MBOAT2: variants seen among roughly 807,000 people sequenced by gnomAD.
MBOAT2 encodes the protein membrane-bound glycerophospholipid O-acyltransferase 2.
A neutral mutation model predicts 63.4 loss-of-function variants in MBOAT2; 28 were observed. The observed-to-expected ratio is 0.44, with a 90% confidence interval of 0.33 to 0.61. MBOAT2 has a LOEUF of 0.61. Ranked by LOEUF, MBOAT2 falls within the 20% of genes least tolerant of loss-of-function variation. MBOAT2 has a pLI of 0.03. For synonymous variants in MBOAT2, 211 were observed against 215.6 expected (o/e 0.98, Z 0.19); for missense variants, 470 against 605.8 (o/e 0.78, Z 2.35).
chr2:8,901,859 T>G (rs1664956063), intron 4 of MBOAT2, among the ~76,000 whole-genome samples: 1 of 152,198 alleles, frequency 6.6e-6, no homozygotes, highest in African/African-American at 2.4e-5. Flanking sequence ...GGAGTGGTTT[T>G]TAGAAGCAGG....
At position 8,939,773 on chromosome 2, in the gene MBOAT2, C is replaced by T. The variant is rs143558466; in HGVS notation, c.299+3414G>A. 5.0e-3 allele frequency among the ~76,000 whole-genome samples: 763 copies of T among 152,250 alleles called. 6 individuals carry two copies. The highest frequency in any genetic ancestry group is 0.017 in the African/African-American group (708 of 41,550). The stretch of plus-strand genomic sequence containing the variant: ...ACACACACAGAATAAACTCTGCAAA[C>T]GGTTCTAAAACATCACATGATGTCA... On this transcript the variant is annotated intron_variant, in intron 3 of 12. Transcript: ENST00000305997.
intron 6 of MBOAT2, among the ~76,000 whole-genome samples, chr2:8,878,911 C>T (rs913862391): frequency 4.6e-5 from 7 of 151,704 alleles, no homozygotes; most frequent in Admixed American, 4.6e-4. Flanking sequence ...CCCGTCTCTA[C>T]TAAAAATACA....
At chr2:8,997,729 C>T (rs552602921) in intron 1 of MBOAT2, among the ~76,000 whole-genome samples, 4 of 152,282 alleles carry the variant, frequency 2.6e-5, no homozygotes, top group Non-Finnish European at 4.4e-5. Context: ...TTATTATTAT[C>T]CTTATTTTAC....
At chr2:8,976,622 G>T (rs1252079483) in intron 1 of MBOAT2, among the ~76,000 whole-genome samples, 2 of 152,128 alleles carry the variant, frequency 1.3e-5, no homozygotes, top group African/African-American at 4.8e-5. Flanking sequence ...GCCCATCCCT[G>T]AACAGGAAGA....
intron 3 of MBOAT2, among the ~76,000 whole-genome samples, chr2:8,939,400 T>C (rs1158092718): frequency 1.3e-5 from 2 of 152,202 alleles, no homozygotes; most frequent in Non-Finnish European, 2.9e-5. Flanking sequence ...CTGGGATTGC[T>C]GGAGCCAAAG....
At chr2:8,860,162 G>C (rs1470712995) in intron 12 of MBOAT2, among the ~76,000 whole-genome samples, 1 of 152,120 alleles carries the variant, frequency 6.6e-6, no homozygotes, top group Non-Finnish European at 1.5e-5. Context: ...CTGCACTCCA[G>C]CCTGGGCGAC....
At position 8,854,381 on chromosome 2, in the gene MBOAT2, AAGGTATTG is replaced by A. The variant is rs1461477388; in HGVS notation, c.*4290_*4297del. On this transcript the variant is annotated 3_prime_UTR_variant, in exon 13 of 13. Coordinates refer to ENST00000305997, the MANE Select transcript of MBOAT2 (RefSeq NM_138799.4). ...ACTGGGTTAAATGCAGCAGTTTTATAAGGTATTGAGGGCAGTTAAGATTACATCTCACA... is the reference window on the plus strand; with the variant it reads ...ACTGGGTTAAATGCAGCAGTTTTATAAGGGCAGTTAAGATTACATCTCACA... The A allele has an allele frequency of 6.6e-6, 1 of 152,190 alleles. No individual in the cohort carries two copies. Among genetic ancestry groups the A allele is most frequent in the Non-Finnish European group, 1.5e-5 (1 of 68,028 alleles). The allele number at this position is 152,190 out of a possible 1,614,324, so 9.4% of individuals were successfully genotyped here.
At chr2:8,999,619 A>G (rs1672547813) in intron 1 of MBOAT2, among the ~76,000 whole-genome samples, 1 of 152,204 alleles carries the variant, frequency 6.6e-6, no homozygotes, top group Non-Finnish European at 1.5e-5. Flanking sequence ...GTGATTCCTG[A>G]TGTTGTCTAA....
At chr2:8,864,403 C>T (rs1661712441) in intron 9 of MBOAT2, among the ~76,000 whole-genome samples, 169 bp from the exon 10 acceptor site, 2 of 151,846 alleles carry the variant, frequency 1.3e-5, no homozygotes, top group African/African-American at 2.4e-5. Flanking sequence ...CATCATTCTA[C>T]GTAAGACAAG....
intron 1 of MBOAT2, among the ~76,000 whole-genome samples, chr2:8,968,751 A>G (rs2103303008): frequency 6.6e-6 from 1 of 152,354 alleles, no homozygotes; most frequent in South Asian, 2.1e-4. Flanking sequence ...TCAGTAGCCA[A>G]TTCGAACAAC....
chr2:8,906,272 C>T (rs1017127369), intron 4 of MBOAT2, among the ~76,000 whole-genome samples: 1 of 152,230 alleles, frequency 6.6e-6, no homozygotes, highest in Non-Finnish European at 1.5e-5. Context: ...CAAAATACTT[C>T]TAAAGTCACG....
At chr2:8,886,308 C>G (rs964916736) in intron 5 of MBOAT2, among the ~76,000 whole-genome samples, 4 of 152,220 alleles carry the variant, frequency 2.6e-5, no homozygotes, top group African/African-American at 7.2e-5. Flanking sequence ...CACCTTTGTA[C>G]TTTATTGACT....
At chr2:8,910,313 C>T (rs973143648) in intron 3 of MBOAT2, among the ~76,000 whole-genome samples, 14 of 152,002 alleles carry the variant, frequency 9.2e-5, no homozygotes, top group Admixed American at 4.6e-4. Flanking sequence ...GAGAGAGGAG[C>T]AGCGTGGAGA....
chr2:8,981,628 T>G (rs1042564297), intron 1 of MBOAT2, among the ~76,000 whole-genome samples: 1 of 149,318 alleles, frequency 6.7e-6, no homozygotes, highest in African/African-American at 2.5e-5. Flanking sequence ...GGGCCAACAC[T>G]CAAAGAAAAG....
At chr2:8,987,969 A>G (rs1198510255) in intron 1 of MBOAT2, among the ~76,000 whole-genome samples, 1 of 152,262 alleles carries the variant, frequency 6.6e-6, no homozygotes, top group Non-Finnish European at 1.5e-5. Context: ...TATACAAACT[A>G]AATTCAGTTC....
rs550158967 is a variant in MBOAT2, at chr2:8,860,350, T to A, written c.1337+263A>T. ...GACAATTAAGCTAACAAGTTTTTTGTTAAATTTAGGAGAGGTTTGAGGCAG... is the reference window on the plus strand; with the variant it reads ...GACAATTAAGCTAACAAGTTTTTTGATAAATTTAGGAGAGGTTTGAGGCAG... On this transcript the variant is annotated intron_variant, in intron 12 of 12. Coordinates refer to ENST00000305997, the MANE Select transcript of MBOAT2 (RefSeq NM_138799.4). Among the ~76,000 whole-genome samples, 108 of 152,296 alleles carry A rather than the reference T, an allele frequency of 7.1e-4. 1 individual carries two copies. The highest frequency in any genetic ancestry group is 5.9e-5 in the Non-Finnish European group (4 of 68,026).
chr2:8,901,251 G>A (rs771804821), intron 4 of MBOAT2, among the ~76,000 whole-genome samples: 1 of 152,160 alleles, frequency 6.6e-6, no homozygotes. Flanking sequence ...GGACCCTGCT[G>A]ATCAGAATAG....
At position 8,858,512 on chromosome 2, in the gene MBOAT2, C is replaced by T. The variant is rs993287535; in HGVS notation, c.*167G>A. ...CCCACGGAGACATGGCATGGGAGGGCTTGTTTCACTCCATTTCCAATCTGG... is the reference window on the plus strand; with the variant it reads ...CCCACGGAGACATGGCATGGGAGGGTTTGTTTCACTCCATTTCCAATCTGG... On this transcript the variant is annotated 3_prime_UTR_variant, in exon 13 of 13. Transcript: ENST00000305997. 3.0e-5 allele frequency: 17 copies of T among 573,586 alleles called. No homozygotes were observed. The highest frequency in any genetic ancestry group is 4.6e-5 in the Non-Finnish European group (15 of 327,770). 35.5% of individuals were successfully genotyped at this position (573,586 alleles called of 1,614,324 possible). A position where few individuals can be genotyped will look rare whatever the true frequency, so the allele number is the denominator to read the frequency against.
At chr2:8,929,298 A>T (rs1050057496) in intron 3 of MBOAT2, among the ~76,000 whole-genome samples, 2 of 152,310 alleles carry the variant, frequency 1.3e-5, no homozygotes, top group Admixed American at 6.5e-5. Flanking sequence ...AATACCACTG[A>T]TTTACCCATG....
Sources: gnomAD v4.1 joint callset for allele counts (sites outside exome capture counted in the v4.1 genomes callset) on GRCh38, gnomAD v4.1.1 for gene constraint, MANE v1.5 for transcripts, NCBI Gene and HGNC (gene_info 2026-07-23, HGNC 2026-07-21) for gene names.